The following NEGR1 variants were observed in gnomAD, a reference collection of about 807,000 sequenced individuals.
NEGR1 encodes neuronal growth regulator 1, also known as IgLON family member 4.
NEGR1 carries 10 observed loss-of-function variants against 40.9 expected under a neutral mutation model. That is an observed-to-expected ratio of 0.24 (90% CI 0.15 to 0.42). The LOEUF is 0.42. Ranked by LOEUF, NEGR1 falls within the 10% of genes least tolerant of loss-of-function variation. NEGR1 has a pLI of 1.00. For missense variants in NEGR1, 352 were observed against 438.9 expected (o/e 0.80, Z 1.77); for synonymous variants, 185 against 166.8 (o/e 1.11, Z -0.84).
At chr1:71,999,722 G>T (rs1646541349) in intron 1 of NEGR1, among the ~76,000 whole-genome samples, 1 of 132,232 alleles carries the variant, frequency 7.6e-6, no homozygotes, top group African/African-American at 2.9e-5. Flanking sequence ...ACTTTACATG[G>T]AGTCTCTTGT....
intron 1 of NEGR1, among the ~76,000 whole-genome samples, chr1:72,202,283 C>T (rs1204815189): frequency 6.6e-6 from 1 of 151,860 alleles, no homozygotes; most frequent in African/African-American, 2.4e-5. Flanking sequence ...CTCAGTCTTC[C>T]CTACTCCCTG....
At chr1:72,168,114 A>G (rs1651832407) in intron 1 of NEGR1, among the ~76,000 whole-genome samples, 1 of 151,706 alleles carries the variant, frequency 6.6e-6, no homozygotes, top group Non-Finnish European at 1.5e-5. Flanking sequence ...CAAGGGTTCA[A>G]GTGATTCTCC....
chr1:71,673,201 T>C (rs1652495311), intron 4 of NEGR1, among the ~76,000 whole-genome samples: 1 of 151,908 alleles, frequency 6.6e-6, no homozygotes, highest in Non-Finnish European at 1.5e-5. Context: ...ATCATGCCAC[T>C]GCACTCCAGT....
chr1:72,012,193 T>C (rs2100403262), intron 1 of NEGR1, among the ~76,000 whole-genome samples: 1 of 152,252 alleles, frequency 6.6e-6, no homozygotes, highest in East Asian at 1.9e-4. Context: ...TTCAAGTTTA[T>C]ACACAATATC....
At chr1:72,044,173 T>A (rs1299146366) in intron 1 of NEGR1, among the ~76,000 whole-genome samples, 1 of 151,620 alleles carries the variant, frequency 6.6e-6, no homozygotes, top group Non-Finnish European at 1.5e-5. Flanking sequence ...GCTTGACATA[T>A]AATAACTACT....
intron 4 of NEGR1, among the ~76,000 whole-genome samples, chr1:71,646,885 T>C (rs1416123597): frequency 6.6e-6 from 1 of 151,832 alleles, no homozygotes; most frequent in Non-Finnish European, 1.5e-5. Flanking sequence ...TAAATTATTG[T>C]CCCTGCATAT....
chr1:71,945,461 G>T (rs1407971280), intron 1 of NEGR1, among the ~76,000 whole-genome samples: 1 of 152,076 alleles, frequency 6.6e-6, no homozygotes, highest in Non-Finnish European at 1.5e-5. Flanking sequence ...AAAGAATTCA[G>T]AGTCTGGCTT....
At chr1:71,643,533 T>A (rs1303898003) in intron 4 of NEGR1, among the ~76,000 whole-genome samples, 1 of 152,010 alleles carries the variant, frequency 6.6e-6, no homozygotes, top group African/African-American at 2.4e-5. Flanking sequence ...ATGTTGACTC[T>A]GTGTTTCCAA....
intron 1 of NEGR1, among the ~76,000 whole-genome samples, chr1:72,223,913 GA>G: frequency 6.6e-6 from 1 of 152,066 alleles, no homozygotes; most frequent in East Asian, 1.9e-4. Context: ...ATTCCCCAAG[GA>G]AAGTCTCAGC....
intron 4 of NEGR1, among the ~76,000 whole-genome samples, chr1:71,646,919 T>C (rs1171048556): frequency 6.6e-6 from 1 of 151,314 alleles, no homozygotes; most frequent in African/African-American, 2.4e-5. Flanking sequence ...CTAATAATTA[T>C]TATTTAAGAA....
intron 1 of NEGR1, among the ~76,000 whole-genome samples, chr1:71,951,303 G>A (rs1313777199): frequency 5.9e-5 from 9 of 151,758 alleles, no homozygotes; most frequent in Non-Finnish European, 5.9e-5. Context: ...ACAGATGCTC[G>A]GTGGCCCTTG....
In NEGR1 at chr1:71,773,015, C is replaced by T. The variant is rs544590936; in HGVS notation, c.535+3157G>A. Among the ~76,000 whole-genome samples, 7 of 152,208 alleles carry T rather than the reference C, an allele frequency of 4.6e-5. No individual in the cohort carries two copies. The South Asian group carries it at 6.2e-4, about 14-fold the overall frequency. On this transcript the variant is annotated intron_variant, in intron 3 of 6. Transcript: ENST00000357731. ...GTAAGGAAGCTCACATATCCAGAAACATCTCAGGAAAGGTGTTTTTTTTTG... is the reference window on the plus strand; with the variant it reads ...GTAAGGAAGCTCACATATCCAGAAATATCTCAGGAAAGGTGTTTTTTTTTG...
intron 1 of NEGR1, among the ~76,000 whole-genome samples, chr1:72,075,394 G>A (rs1218680408): frequency 1.3e-5 from 2 of 152,150 alleles, no homozygotes; most frequent in East Asian, 3.9e-4. Flanking sequence ...ACTAAAAACA[G>A]CTTAAAATTG....
At chr1:71,700,164 T>A (rs1653639129) in intron 3 of NEGR1, among the ~76,000 whole-genome samples, 1 of 151,994 alleles carries the variant, frequency 6.6e-6, no homozygotes, top group Non-Finnish European at 1.5e-5. Flanking sequence ...CCTTTTTAAA[T>A]TTTTATTATT....
intron 6 of NEGR1, among the ~76,000 whole-genome samples, chr1:71,505,157 C>T (rs1017898910): frequency 1.3e-5 from 2 of 152,182 alleles, no homozygotes; most frequent in Non-Finnish European, 2.9e-5. Context: ...ACCATACAAA[C>T]CATACGATAA....
At chr1:71,950,571 G>A (rs1441852514) in intron 1 of NEGR1, among the ~76,000 whole-genome samples, 5 of 151,760 alleles carry the variant, frequency 3.3e-5, no homozygotes, top group Admixed American at 2.0e-4. Context: ...AATCTCTCAC[G>A]TGAAGCTGTC....
chr1:71,855,043 T>A (rs1659718535), intron 2 of NEGR1, among the ~76,000 whole-genome samples: 1 of 152,106 alleles, frequency 6.6e-6, no homozygotes, highest in Admixed American at 6.6e-5. Context: ...TCTGTTGACC[T>A]GTGAGTTTTG....
intron 4 of NEGR1, among the ~76,000 whole-genome samples, chr1:71,659,907 A>G (rs1652001246): frequency 1.3e-5 from 2 of 152,096 alleles, no homozygotes; most frequent in African/African-American, 4.8e-5. Flanking sequence ...CATTGTGGAA[A>G]GCAGTATGGT....
chr1:72,257,494 T>C (rs1023450127), intron 1 of NEGR1, among the ~76,000 whole-genome samples: 1 of 152,130 alleles, frequency 6.6e-6, no homozygotes, highest in African/African-American at 2.4e-5. Flanking sequence ...TATAGAAATA[T>C]ACATACGTAA....
Sources: allele counts gnomAD v4.1 joint callset (sites outside exome capture counted in the v4.1 genomes callset), GRCh38; gene constraint gnomAD v4.1.1; transcripts MANE v1.5; gene names NCBI Gene and HGNC (gene_info 2026-07-23, HGNC 2026-07-21).